The following NOTCH1 variants were observed in gnomAD, a reference collection of about 807,000 sequenced individuals.
The protein encoded by NOTCH1 is neurogenic locus notch homolog protein 1.
A neutral mutation model predicts 254.8 loss-of-function variants in NOTCH1; 37 were observed. The observed-to-expected ratio is 0.15, with a 90% CI of 0.11 to 0.19. The LOEUF (loss-of-function observed/expected upper bound fraction) is 0.19. Among genes scored for constraint, NOTCH1 ranks in the 10% least tolerant of loss-of-function variants. The pLI, the probability that NOTCH1 is intolerant of heterozygous loss-of-function variation, is 1.00. For synonymous variants in NOTCH1, 1,731 were observed against 1,618.1 expected (o/e 1.07, Z -1.68); for missense variants, 2,972 against 3,708.6 (o/e 0.80, Z 5.16).
chr9:136,501,494 G>A (rs1403240435), intron 30 of NOTCH1, among the ~76,000 whole-genome samples: 2 of 151,376 alleles, frequency 1.3e-5, no homozygotes, highest in African/African-American at 4.9e-5. Flanking sequence ...CATGTCTCAA[G>A]AAGGTTTCAG....
At chr9:136,538,864 G>A (rs1173189520) in intron 2 of NOTCH1, among the ~76,000 whole-genome samples, 1 of 152,234 alleles carries the variant, frequency 6.6e-6, no homozygotes, top group Non-Finnish European at 1.5e-5. Flanking sequence ...AGGCAAGCTA[G>A]ACGCCCAATC....
chr9:136,508,951 G>C lies in NOTCH1; in HGVS notation c.3090C>G (p.Cys1030Trp). 1 of 1,551,386 alleles carries C rather than the reference G, an allele frequency of 6.4e-7. No homozygotes were observed. Among genetic ancestry groups the C allele is most frequent in the East Asian group, 2.4e-5 (1 of 41,144 alleles). ...HDVNECDSQPCLHGGTCQDGC... is the reference protein window; with the variant it reads ...HDVNECDSQPWLHGGTCQDGC... ...CGTCCTGACAGGTGCCGCCATGCAG[G>C]CAGGGCTGTGAGTCGCACTCATTGA... Residue 1030 changes from cysteine (C) to tryptophan (W), a missense_variant, in exon 19 of 34, where the codon TGC (cysteine) becomes TGG (tryptophan). Physicochemically the swap from Cys to Trp is radical, Grantham distance 215. This residue lies in a region of NOTCH1 where 1,343 missense variants were observed against 1,557.0 expected (regional missense o/e 0.86). Coordinates refer to ENST00000651671, the MANE Select transcript of NOTCH1 (RefSeq NM_017617.5).
chr9:136,523,539 C>A (rs985207709), intron 3 of NOTCH1, among the ~76,000 whole-genome samples, 178 bp downstream of exon 3: 3 of 152,184 alleles, frequency 2.0e-5, no homozygotes, highest in Non-Finnish European at 2.9e-5. Flanking sequence ...CCAGAGCAAG[C>A]AGCTGAAAAC....
rs779434286 is a variant in NOTCH1, at chr9:136,518,820, C to T, written c.870G>A (p.Gln290=). ...NCRCPPEWTG[Q]YCTEDVDECQ... is the part of the protein sequence containing the mutation. Reference sequence around the variant, plus strand: ...ACTCGTCCACATCCTCGGTACAGTACTGACCTGCAGGGAACAGGAGCTGTC... The same window carrying T: ...ACTCGTCCACATCCTCGGTACAGTATTGACCTGCAGGGAACAGGAGCTGTC... The change falls in exon 6 of 34, where the codon CAG becomes CAA. Residue 290 remains glutamine, a synonymous_variant. Coordinates refer to ENST00000651671, the MANE Select transcript of NOTCH1 (RefSeq NM_017617.5). 1.6e-5 allele frequency: 26 copies of T among 1,612,570 alleles called. No individual in the cohort carries two copies. Among genetic ancestry groups the T allele is most frequent in the Admixed American group, 5.0e-5 (3 of 60,004 alleles).
At position 136,507,901 on chromosome 9, in the gene NOTCH1, G is replaced by A. The variant is rs1483681932; in HGVS notation, c.3510+54C>T. ...TGGGCCAGCTCCCAGCCAGGGCCTGGTGTGTGGCAACACTCGTGCCGGCCA... is the reference window on the plus strand; with the variant it reads ...TGGGCCAGCTCCCAGCCAGGGCCTGATGTGTGGCAACACTCGTGCCGGCCA... On this transcript the variant is annotated intron_variant, in intron 21 of 33. Transcript: ENST00000651671. 13 of 1,577,272 alleles carry A rather than the reference G, an allele frequency of 8.2e-6. No homozygotes were observed. The East Asian group carries it at 2.0e-4, about 24-fold the overall frequency.
In NOTCH1 at chr9:136,495,786, C is replaced by G. The variant is rs1232247576; in HGVS notation, c.*285G>C. On this transcript the variant is annotated 3_prime_UTR_variant, in exon 34 of 34. Transcript: ENST00000651671. ...ATAAACACAGAAGAATCTTTTCATC[C>G]TACGTAGGAAAACCCTGGCTCTCAG... 1 of 421,488 alleles carries G rather than the reference C, an allele frequency of 2.4e-6. No individual in the cohort carries two copies. 26.1% of individuals were successfully genotyped at this position (421,488 alleles called of 1,614,324 possible).
chr9:136,510,916 C>T (rs969595182), intron 16 of NOTCH1, 111 bp from the exon 17 acceptor site: 12 of 1,482,848 alleles, frequency 8.1e-6, no homozygotes, highest in Admixed American at 1.7e-5. Flanking sequence ...AGTAGGCTTC[C>T]GTGACCCCAG....
At chr9:136,497,986 C>T (rs2133320106) in intron 33 of NOTCH1, among the ~76,000 whole-genome samples, 1 of 152,296 alleles carries the variant, frequency 6.6e-6, no homozygotes, top group Admixed American at 6.5e-5. Flanking sequence ...ACCCTGGTGG[C>T]CACCAAGCTC....
chr9:136,517,501 C>A, intron 8 of NOTCH1, 116 bp from the exon 9 acceptor site: 2 of 865,396 alleles, frequency 2.3e-6, no homozygotes, highest in Non-Finnish European at 3.7e-6. Flanking sequence ...CCAGCCACCA[C>A]GGGCCCCCTG....
intron 5 of NOTCH1, 24 bp downstream of exon 5, chr9:136,519,419 C>G (rs769537912): frequency 4.8e-5 from 78 of 1,612,236 alleles, no homozygotes; most frequent in Non-Finnish European, 6.4e-5. Context: ...GGCTACCCCG[C>G]CCTGCGGCGA....
intron 15 of NOTCH1, among the ~76,000 whole-genome samples, chr9:136,512,243 G>A (rs961395215): frequency 3.9e-5 from 6 of 152,162 alleles, no homozygotes; most frequent in South Asian, 2.1e-4. Flanking sequence ...CCTTAACTTC[G>A]GTCAAAGAAA....
chr9:136,501,450 G>GAA (rs11403622), intron 30 of NOTCH1, among the ~76,000 whole-genome samples: 17 of 146,810 alleles, frequency 1.2e-4, no homozygotes, highest in East Asian at 2.0e-4. Flanking sequence ...AAAAAAAAAA[G>GAA]AAAAAAAAAA....
intron 9 of NOTCH1, 81 bp from the exon 10 acceptor site, chr9:136,516,175 G>T: frequency 9.2e-7 from 1 of 1,088,490 alleles, no homozygotes; most frequent in Non-Finnish European, 1.4e-6. Context: ...GACCCCAGCA[G>T]TGAGCGCCTG....
chr9:136,518,966 C>T (rs1291572372), intron 5 of NOTCH1, 142 bp from the exon 6 acceptor site: 4 of 718,386 alleles, frequency 5.6e-6, no homozygotes, highest in South Asian at 3.0e-5. Flanking sequence ...CTAAATCACT[C>T]CTTCCTCTGC....
chr9:136,499,206 C>G lies in NOTCH1; in HGVS notation c.5988G>C (p.Thr1996=), dbSNP rs186453356. The G allele has an allele frequency of 9.9e-6, 16 of 1,613,368 alleles. No homozygotes were observed. The highest frequency in any genetic ancestry group is 1.4e-5 in the Non-Finnish European group (16 of 1,180,004). ...GGCGGGCAGCCAGGATCAGTGGCGT[C>G]GTGCCATCATGCATGCGGGCATCCA... ...TDLDARMHDG[T]TPLILAARLA... is the part of the protein sequence containing the mutation. Residue 1996 remains threonine, a synonymous_variant, in exon 32 of 34, where the codon ACG becomes ACC. Coordinates refer to ENST00000651671, the MANE Select transcript of NOTCH1 (RefSeq NM_017617.5).
Position 136,522,315 on chromosome 9 carries a change from G to A in NOTCH1, c.742+535C>T, listed in dbSNP as rs183173682. 1.3e-3 allele frequency among the ~76,000 whole-genome samples: 201 copies of A among 152,274 alleles called. 1 individual carries two copies. Among genetic ancestry groups the A allele is most frequent in the African/African-American group, 3.8e-3 (158 of 41,544 alleles). On this transcript the variant is annotated intron_variant, in intron 4 of 33. Coordinates refer to ENST00000651671, the MANE Select transcript of NOTCH1 (RefSeq NM_017617.5). ...TTCAAAACTCTTCCTTATTTTTAGA[G>A]CTGCTGCAAAATTTACTCAAACAAG...
At position 136,509,727 on chromosome 9, in the gene NOTCH1, G is replaced by GCA; in HGVS notation, c.2969+4_2969+5dup. On this transcript the variant is annotated splice_donor_region_variant and intron_variant, in intron 18 of 33. Coordinates refer to ENST00000651671, the MANE Select transcript of NOTCH1 (RefSeq NM_017617.5). ...CCTTCCACGGCCTCACTCGAGCCCCGCACACCTCTCTGTGCAGTCAGGCGT... is the reference window on the plus strand; with the variant it reads ...CCTTCCACGGCCTCACTCGAGCCCCGCACACACCTCTCTGTGCAGTCAGGCGT... 1 of 1,611,376 alleles carries GCA rather than the reference G, an allele frequency of 6.2e-7. No homozygotes were observed. Among genetic ancestry groups the GCA allele is most frequent in the Non-Finnish European group, 8.5e-7 (1 of 1,178,686 alleles).
At chr9:136,543,299 G>T (rs1241365566) in intron 2 of NOTCH1, 1 of 222,862 alleles carries the variant, frequency 4.5e-6, no homozygotes, top group East Asian at 1.7e-4. Flanking sequence ...CCTAGAGGAG[G>T]TATCACCACC....
At chr9:136,532,467 T>G (rs3124611) in intron 2 of NOTCH1, among the ~76,000 whole-genome samples, 133 of 151,608 alleles carry the variant, frequency 8.8e-4, no homozygotes, top group South Asian at 1.9e-3. Context: ...CCAGAGCCTG[T>G]GGCTGGCCTC....
Sources: gnomAD v4.1 joint callset for allele counts (sites outside exome capture counted in the v4.1 genomes callset) on GRCh38, gnomAD v4.1.1 for gene constraint, gnomAD v4.1.1 regional missense constraint, MANE v1.5 for transcripts, NCBI Gene and HGNC (gene_info 2026-07-23, HGNC 2026-07-21) for gene names.